The following NUMA1 variants were observed in gnomAD, a reference collection of about 807,000 sequenced individuals.
NUMA1 encodes the protein SP-H antigen.
NUMA1 carries 62 observed loss-of-function variants against 237.1 expected under a neutral mutation model. The ratio of observed to expected loss-of-function variants is 0.26; its 90% CI spans 0.21 to 0.32. The LOEUF is 0.32. NUMA1 is among the 10% of genes least tolerant of loss of function. NUMA1 has a pLI of 1.00. For missense variants in NUMA1, 2,533 were observed against 2,666.5 expected (o/e 0.95, Z 1.10); for synonymous variants, 1,028 against 1,066.1 (o/e 0.96, Z 0.70).
chr11:72,045,717 C>T (rs1270412013), intron 2 of NUMA1, among the ~76,000 whole-genome samples: 1 of 152,114 alleles, frequency 6.6e-6, no homozygotes, highest in African/African-American at 2.4e-5. Flanking sequence ...TGGGCTCAAG[C>T]GATCTGCCTG....
Position 72,005,231 on chromosome 11 carries a change from A to C in NUMA1, c.5829+2T>G. The C allele has an allele frequency of 6.3e-7, 1 of 1,591,682 alleles. No homozygotes were observed. Among genetic ancestry groups the C allele is most frequent in the Non-Finnish European group, 8.5e-7 (1 of 1,170,674 alleles). ...GCCCTGCACAGTGACCCCAGGCCTC[A>C]CCCTGGACTCCAGGGGATAGCAGGT... On this transcript the variant is annotated splice_donor_variant, in intron 23 of 26. Transcript: ENST00000393695. LOFTEE classifies it high-confidence loss of function.
chr11:72,010,653 C>T (rs766678110), intron 17 of NUMA1, 133 bp downstream of exon 17: 11 of 850,888 alleles, frequency 1.3e-5, no homozygotes, highest in Non-Finnish European at 1.8e-5. Context: ...TTCTAAGCCA[C>T]AGGCTTCCTA....
At chr11:72,073,672 G>A (rs1172649072) in intron 1 of NUMA1, among the ~76,000 whole-genome samples, 1 of 152,224 alleles carries the variant, frequency 6.6e-6, no homozygotes, top group Non-Finnish European at 1.5e-5. Context: ...GAACTAATGA[G>A]TGGAAGTTAC....
chr11:72,009,524 C>T, intron 17 of NUMA1, 137 bp from the exon 18 acceptor site: 3 of 1,132,102 alleles, frequency 2.6e-6, no homozygotes, highest in South Asian at 1.6e-5. Flanking sequence ...CACACCACCC[C>T]AAATACTCTC....
chr11:72,077,140 T>C (rs1265172151), intron 1 of NUMA1, among the ~76,000 whole-genome samples: 3 of 151,956 alleles, frequency 2.0e-5, no homozygotes, highest in Non-Finnish European at 4.4e-5. Flanking sequence ...AAGAATAAGA[T>C]GTAGACGACA....
chr11:72,072,756 G>A (rs1230234944), intron 1 of NUMA1, among the ~76,000 whole-genome samples: 1 of 152,146 alleles, frequency 6.6e-6, no homozygotes, highest in Non-Finnish European at 1.5e-5. Flanking sequence ...CAGAGGAATT[G>A]TCAAAACTAT....
At chr11:72,046,206 T>C (rs1320417666) in intron 2 of NUMA1, among the ~76,000 whole-genome samples, 4 of 152,218 alleles carry the variant, frequency 2.6e-5, no homozygotes, top group African/African-American at 4.8e-5. Context: ...TGCCTGATTC[T>C]TACTGTCCTC....
chr11:72,042,568 CAG>C (rs1941749266), intron 2 of NUMA1, among the ~76,000 whole-genome samples: 1 of 152,084 alleles, frequency 6.6e-6, no homozygotes, highest in African/African-American at 2.4e-5. Context: ...GAAGAGAAAG[CAG>C]AGAGGAGGCA....
intron 2 of NUMA1, among the ~76,000 whole-genome samples, chr11:72,058,777 G>C (rs891699178): frequency 6.6e-6 from 1 of 152,108 alleles, no homozygotes; most frequent in Admixed American, 6.5e-5. Flanking sequence ...GCCTGTCTTG[G>C]CTGCCTCTCT....
chr11:72,072,899 G>A (rs1180135175), intron 1 of NUMA1, among the ~76,000 whole-genome samples: 3 of 151,700 alleles, frequency 2.0e-5, no homozygotes, highest in Non-Finnish European at 2.9e-5. Flanking sequence ...AAAATTAGCT[G>A]GGCGCGGTGG....
At chr11:72,032,143 A>G (rs1269936665) in intron 3 of NUMA1, among the ~76,000 whole-genome samples, 2 of 152,158 alleles carry the variant, frequency 1.3e-5, no homozygotes, top group African/African-American at 4.8e-5. Flanking sequence ...CCTGGGTCAC[A>G]GAGCAAGACC....
At chr11:72,043,442 A>T (rs1270167485) in intron 2 of NUMA1, among the ~76,000 whole-genome samples, 1 of 150,266 alleles carries the variant, frequency 6.7e-6, no homozygotes, top group Non-Finnish European at 1.5e-5. Context: ...AGTTCACTGT[A>T]ACCTCAAACT....
intron 3 of NUMA1, 39 bp downstream of exon 3, chr11:72,035,863 G>C (rs1940963678): frequency 6.2e-7 from 1 of 1,600,800 alleles, no homozygotes; most frequent in South Asian, 1.1e-5. Context: ...CAAGCTTCCT[G>C]GAGAAGTATA....
intron 2 of NUMA1, among the ~76,000 whole-genome samples, chr11:72,050,041 C>T (rs571604994): frequency 6.6e-6 from 1 of 152,212 alleles, no homozygotes; most frequent in South Asian, 2.1e-4. Flanking sequence ...AAGCGAGGCA[C>T]ATGTGGGTGC....
At chr11:72,080,117 G>A (rs1591112749) in intron 1 of NUMA1, among the ~76,000 whole-genome samples, 2 of 152,112 alleles carry the variant, frequency 1.3e-5, no homozygotes, top group East Asian at 1.9e-4. Flanking sequence ...CATAACTACT[G>A]CTATTGTTAA....
In NUMA1 at chr11:72,056,746, T is replaced by C. The variant is rs143957657; in HGVS notation, c.-33+13096A>G. On this transcript the variant is annotated intron_variant, in intron 2 of 26. Transcript: ENST00000393695. The stretch of plus-strand genomic sequence containing the variant: ...CTCAATTTCTCAAACAGTAGCTACA[T>C]ATAGGACATCTACCAGTTATATAAG... 3.1e-3 allele frequency among the ~76,000 whole-genome samples: 465 copies of C among 148,892 alleles called. 3 individuals are homozygous for C. Among genetic ancestry groups the C allele is most frequent in the African/African-American group, 0.01 (417 of 40,268 alleles).
chr11:72,022,001 G>C (rs997767196), intron 7 of NUMA1, among the ~76,000 whole-genome samples: 2 of 32,910 alleles, frequency 6.1e-5, no homozygotes, highest in South Asian at 1.4e-3. Flanking sequence ...AAGTTCTGTG[G>C]GGGAAAAAAA....
At position 72,013,746 on chromosome 11, in the gene NUMA1, G is replaced by C; in HGVS notation, c.3757C>G (p.Arg1253Gly). The change falls in exon 15 of 27, where the codon CGG (arginine) becomes GGG (glycine). Residue 1253 changes from arginine to glycine, a missense_variant. Physicochemically the swap from Arg to Gly is moderately radical, Grantham distance 125. Around this residue, in one of 3 missense-constraint regions of NUMA1, gnomAD observed 324 missense variants for 407.6 expected, o/e 0.79. Transcript: ENST00000393695. This position sits in a 1 kb window ranked among gnomAD's most constrained non-coding sequence, Gnocchi z 6.8. ...TTCTCTGACTCGGCCATCACCAGCC[G>C]CTTCAACTCCTTGCTCTCCCCCTCC... ...EKEGESKELK[R>G]LVMAESEKSQ... is the part of the protein sequence containing the mutation. 1 of 1,609,960 alleles carries C rather than the reference G, an allele frequency of 6.2e-7. No individual in the cohort carries two copies. Among genetic ancestry groups the C allele is most frequent in the South Asian group, 1.1e-5 (1 of 91,080 alleles).
intron 1 of NUMA1, among the ~76,000 whole-genome samples, chr11:72,071,096 T>C (rs1565296357): frequency 6.6e-6 from 1 of 152,204 alleles, no homozygotes; most frequent in Non-Finnish European, 1.5e-5. Context: ...ACAACCTTAA[T>C]AGTAGGATGG....
Sources: gnomAD v4.1 joint callset for allele counts (sites outside exome capture counted in the v4.1 genomes callset) on GRCh38, gnomAD v4.1.1 for gene constraint, gnomAD v4.1.1 regional missense constraint, Gnocchi (gnomAD v3.1) non-coding constraint, MANE v1.5 for transcripts, NCBI Gene and HGNC (gene_info 2026-07-23, HGNC 2026-07-21) for gene names.